The following KDM5A variants were observed in gnomAD, a reference collection of about 807,000 sequenced individuals.
KDM5A encodes lysine demethylase 5A, also known as lysine-specific demethylase 5A.
Under a neutral mutation model 193.5 loss-of-function variants are expected in KDM5A, and 42 were observed. That is an observed-to-expected ratio of 0.22 (90% CI 0.17 to 0.28). The LOEUF is 0.28. Ranked by LOEUF, KDM5A falls within the 10% of genes least tolerant of loss-of-function variation. The pLI is 1.00. For synonymous variants in KDM5A, 796 were observed against 718.1 expected (o/e 1.11, Z -1.73); for missense variants, 1,692 against 2,055.1 (o/e 0.82, Z 3.42).
At chr12:372,139 G>A (rs1944436248) in intron 3 of KDM5A, among the ~76,000 whole-genome samples, 1 of 152,214 alleles carries the variant, frequency 6.6e-6, no homozygotes, top group South Asian at 2.1e-4. Flanking sequence ...TGTGAAGAAA[G>A]TCATTGGTAG....
intron 10 of KDM5A, among the ~76,000 whole-genome samples, chr12:341,210 C>G (rs1944000560): frequency 6.6e-6 from 1 of 152,108 alleles, no homozygotes; most frequent in Admixed American, 6.5e-5. Flanking sequence ...AGATCACTAC[C>G]TTCCATTTGC....
At chr12:342,378 T>C (rs1944017250) in intron 10 of KDM5A, among the ~76,000 whole-genome samples, 2 of 152,206 alleles carry the variant, frequency 1.3e-5, no homozygotes, top group African/African-American at 4.8e-5. Context: ...TGTATGTATA[T>C]GTTACACTTT....
rs560546043 is a variant in KDM5A at position 344,780 on chromosome 12, AG to A, written c.1308+5840del. On this transcript the variant is annotated intron_variant, in intron 10 of 27. Transcript: ENST00000399788. Reference sequence around the variant, plus strand: ...TCCTGAAGGAAGCACTAAACATGGAAGGGAACAACTGGTACCAGCCACTGCA... The same window carrying A: ...TCCTGAAGGAAGCACTAAACATGGAAGGAACAACTGGTACCAGCCACTGCA... 2.7e-3 allele frequency among the ~76,000 whole-genome samples: 415 copies of A among 152,338 alleles called. 2 individuals are homozygous for A. Among genetic ancestry groups the A allele is most frequent in the African/African-American group, 9.6e-3 (398 of 41,568 alleles).
intron 3 of KDM5A, among the ~76,000 whole-genome samples, chr12:369,606 A>T (rs1180199962): frequency 1.3e-5 from 2 of 152,234 alleles, no homozygotes; most frequent in African/African-American, 4.8e-5. Flanking sequence ...ATGAAATCTA[A>T]GCAAAGACTT....
chr12:357,215 G>A (rs1944238106), intron 5 of KDM5A, among the ~76,000 whole-genome samples: 1 of 151,782 alleles, frequency 6.6e-6, no homozygotes, highest in African/African-American at 2.4e-5. Flanking sequence ...GAGAGGTTGA[G>A]GCAGTGAGGC....
chr12:311,044 ATAAGCG>A lies in KDM5A; in HGVS notation c.3051_3056del (p.Ala1018_Tyr1019del), dbSNP rs765061262. The stretch of plus-strand genomic sequence containing the variant: ...CAGACAAGCTCTCAAGCTGCTCCAA[ATAAGCG>A]TAATTGCTGCCACTCTGAAAAACCA... On this transcript the variant is annotated inframe_deletion, in exon 21 of 28. Coordinates refer to ENST00000399788, the MANE Select transcript of KDM5A (RefSeq NM_001042603.3). 4.2e-5 allele frequency: 67 copies of A among 1,614,066 alleles called. No individual in the cohort carries two copies. The highest frequency in any genetic ancestry group is 5.3e-5 in the Non-Finnish European group (62 of 1,180,026).
intron 1 of KDM5A, among the ~76,000 whole-genome samples, chr12:386,664 G>A (rs1483720938): frequency 6.6e-6 from 1 of 152,136 alleles, no homozygotes; most frequent in Admixed American, 6.5e-5. Context: ...CCAGGCAACA[G>A]AGCGAGACCC....
intron 2 of KDM5A, among the ~76,000 whole-genome samples, chr12:385,227 T>C (rs867048548): frequency 1.1e-4 from 17 of 151,720 alleles, no homozygotes; most frequent in Middle Eastern, 6.9e-3. Context: ...CAGAAATGTT[T>C]TGGGGAGAAA....
chr12:315,904 GA>G (rs1217872109), intron 19 of KDM5A, among the ~76,000 whole-genome samples: 4 of 152,150 alleles, frequency 2.6e-5, no homozygotes, highest in Non-Finnish European at 4.4e-5. Context: ...ATTTATGAAA[GA>G]AATCTATATT....
chr12:385,430 AAAGT>A (rs1263716090), intron 2 of KDM5A, among the ~76,000 whole-genome samples: 1 of 152,026 alleles, frequency 6.6e-6, no homozygotes, highest in African/African-American at 2.4e-5. Context: ...AATAATACTT[AAAGT>A]AATTAAAAAG....
rs1944632117 is a variant in KDM5A, at chr12:385,880, A to G, written c.243+17T>C. 6.2e-7 allele frequency: 1 copy of G among 1,601,828 alleles called. No individual in the cohort carries two copies. The highest frequency in any genetic ancestry group is 8.6e-7 in the Non-Finnish European group (1 of 1,168,950). On this transcript the variant is annotated intron_variant, in intron 2 of 27. Coordinates refer to ENST00000399788, the MANE Select transcript of KDM5A (RefSeq NM_001042603.3). ...AAAGAATGAATCAGGAAGCAGAAAT[A>G]GTGACAAAACACTTACCTCAAGTTC...
intron 9 of KDM5A, among the ~76,000 whole-genome samples, chr12:351,780 G>C (rs1258975755): frequency 6.6e-6 from 1 of 151,984 alleles, no homozygotes; most frequent in African/African-American, 2.4e-5. Flanking sequence ...ACCAGCCTGG[G>C]CGACAGAGTG....
At chr12:371,085 T>C (rs1388223489) in intron 3 of KDM5A, among the ~76,000 whole-genome samples, 8 of 152,156 alleles carry the variant, frequency 5.3e-5, no homozygotes, top group African/African-American at 1.4e-4. Context: ...TATGTGTGCA[T>C]GTGTCTTTAT....
chr12:307,445 T>G lies in KDM5A; in HGVS notation c.3930+9A>C, dbSNP rs1434865994. The G allele has an allele frequency of 3.7e-6, 6 of 1,612,150 alleles. No homozygotes were observed. The highest frequency in any genetic ancestry group is 1.7e-5 in the Admixed American group (1 of 60,024). ...TGAAATAGAAAAAGAATGTAAATCC[T>G]AAACTTGCCTGTAAGTCTGGATTGG... On this transcript the variant is annotated intron_variant, in intron 23 of 27. Transcript: ENST00000399788. This position sits in a 1 kb window ranked among gnomAD's most constrained non-coding sequence, Gnocchi z 4.3.
chr12:304,854 T>C (rs1943485832), intron 24 of KDM5A, among the ~76,000 whole-genome samples: 1 of 152,206 alleles, frequency 6.6e-6, no homozygotes, highest in African/African-American at 2.4e-5. Flanking sequence ...GCTAATGTGC[T>C]AGAAAGCAAC....
intron 19 of KDM5A, among the ~76,000 whole-genome samples, chr12:315,110 C>T (rs1415328627): frequency 6.6e-6 from 1 of 152,152 alleles, no homozygotes; most frequent in Non-Finnish European, 1.5e-5. Flanking sequence ...TCTAGGCAAG[C>T]TACGACAGCA....
intron 24 of KDM5A, among the ~76,000 whole-genome samples, chr12:299,691 C>G (rs917223428): frequency 6.6e-6 from 1 of 152,064 alleles, no homozygotes; most frequent in Non-Finnish European, 1.5e-5. Flanking sequence ...CAAATTCACA[C>G]ATAACAATAT....
At chr12:317,400 G>A (rs1160830768) in intron 19 of KDM5A, among the ~76,000 whole-genome samples, 2 of 152,062 alleles carry the variant, frequency 1.3e-5, no homozygotes, top group Non-Finnish European at 2.9e-5. Flanking sequence ...TTCCCCCTCT[G>A]AATCCCTGTA....
rs140234136 is a variant in KDM5A, at chr12:295,608, G to T, written c.4420C>A (p.Pro1474Thr). 2,069 of 1,614,062 alleles carry T rather than the reference G, an allele frequency of 1.3e-3. 36 individuals are homozygous for T. In the East Asian group the frequency reaches 0.021, roughly 17 times the overall value. ...HIWRILQATH[P>T]PSEDRFLHIM... ...TGCAAGAATCTGTCTTCAGAGGGTG[G>T]GTGTGTGGCCTGCAAAATCCGCCAT... Residue 1474 changes from proline (P) to threonine (T), a missense_variant, in exon 26 of 28, where the codon CCA becomes ACA. Physicochemically the swap from Pro to Thr is conservative, Grantham distance 38. Coordinates refer to ENST00000399788, the MANE Select transcript of KDM5A (RefSeq NM_001042603.3).
Sources: gnomAD v4.1 joint callset for allele counts (sites outside exome capture counted in the v4.1 genomes callset) on GRCh38, gnomAD v4.1.1 for gene constraint, Gnocchi (gnomAD v3.1) non-coding constraint, MANE v1.5 for transcripts, NCBI Gene and HGNC (gene_info 2026-07-23, HGNC 2026-07-21) for gene names.